The following HMGCLL1 variants were observed in gnomAD, a reference collection of about 807,000 sequenced individuals.
The protein encoded by HMGCLL1 is 3-hydroxymethyl-3-methylglutaryl-CoA lyase, cytoplasmic.
Under a neutral mutation model 39.1 loss-of-function variants are expected in HMGCLL1, and 36 were observed. The observed-to-expected ratio is 0.92, with a 90% CI of 0.71 to 1.22. The LOEUF (loss-of-function observed/expected upper bound fraction) is 1.22. Among genes scored for constraint, HMGCLL1 ranks in the 50% most tolerant of loss-of-function variants. HMGCLL1 has a pLI of 0.00. For synonymous variants in HMGCLL1, 149 were observed against 144.0 expected (o/e 1.03, Z -0.25); for missense variants, 451 against 416.5 (o/e 1.08, Z -0.72).
At chr6:55,572,033 G>T (rs1215236722) in intron 1 of HMGCLL1, among the ~76,000 whole-genome samples, 1 of 151,956 alleles carries the variant, frequency 6.6e-6, no homozygotes, top group Non-Finnish European at 1.5e-5. Flanking sequence ...AAAAAGTAGA[G>T]AAGAATTTTT....
chr6:55,439,466 T>G lies in HMGCLL1; in HGVS notation c.889A>C (p.Ile297Leu). ...AGCCCCAGGCCATTAAGCATATATA[T>G]CAAATCCTCAGTGGCTACATTCCCA... ...ASGNVATEDL[I>L]YMLNGLGLNT... Residue 297 changes from isoleucine (I) to leucine (L), a missense_variant, in exon 8 of 9, where the codon ATA becomes CTA. Coordinates refer to ENST00000274901, the MANE Select transcript of HMGCLL1 (RefSeq NM_001042406.2). 6.2e-7 allele frequency: 1 copy of G among 1,612,764 alleles called. No individual in the cohort carries two copies. The highest frequency in any genetic ancestry group is 8.5e-7 in the Non-Finnish European group (1 of 1,179,122).
intron 1 of HMGCLL1, among the ~76,000 whole-genome samples, chr6:55,578,727 T>C (rs758757273): frequency 3.9e-5 from 6 of 152,206 alleles, no homozygotes; most frequent in Non-Finnish European, 5.9e-5. Context: ...GGCAGGGATT[T>C]TGCAGGGTCT....
chr6:55,595,478 A>G, the HMGCLL1 span, among the ~76,000 whole-genome samples: 1 of 152,222 alleles, frequency 6.6e-6, no homozygotes, highest in Non-Finnish European at 1.5e-5. Flanking sequence ...TAATGACAAT[A>G]AAGTCTTAAC....
chr6:55,564,600 C>G (rs978019542), intron 1 of HMGCLL1, among the ~76,000 whole-genome samples: 2 of 151,940 alleles, frequency 1.3e-5, no homozygotes, highest in Non-Finnish European at 2.9e-5. Flanking sequence ...AGAAGTTATC[C>G]AAGAATTTTC....
intron 4 of HMGCLL1, among the ~76,000 whole-genome samples, chr6:55,514,967 G>C (rs188763912): frequency 7.8e-4 from 119 of 152,092 alleles, no homozygotes; most frequent in African/African-American, 2.3e-3. Context: ...TAACACATGG[G>C]GGGGAGGTCA....
chr6:55,476,137 T>A (rs1177042599), intron 7 of HMGCLL1, among the ~76,000 whole-genome samples: 1 of 151,674 alleles, frequency 6.6e-6, no homozygotes, highest in Admixed American at 6.6e-5. Flanking sequence ...CTGCTGAGCT[T>A]GCATTGAATC....
intron 5 of HMGCLL1, among the ~76,000 whole-genome samples, chr6:55,507,554 G>C (rs1296977423): frequency 6.6e-6 from 1 of 151,742 alleles, no homozygotes; most frequent in African/African-American, 2.4e-5. Flanking sequence ...AAAATAGTCT[G>C]TCTTTTTAAA....
upstream of HMGCLL1, among the ~76,000 whole-genome samples, chr6:55,581,267 C>T (rs1405060363): frequency 1.3e-5 from 2 of 151,916 alleles, no homozygotes; most frequent in Non-Finnish European, 2.9e-5. Context: ...AATTAGTTGA[C>T]CATAGTGATA....
the HMGCLL1 span, among the ~76,000 whole-genome samples, chr6:55,587,029 C>T: frequency 6.6e-6 from 1 of 152,188 alleles, no homozygotes; most frequent in Non-Finnish European, 1.5e-5. Context: ...AAAAGTGTTC[C>T]TATTTCTCCA....
chr6:55,579,903 C>T (rs1405558254), upstream of HMGCLL1, among the ~76,000 whole-genome samples: 9 of 152,164 alleles, frequency 5.9e-5, no homozygotes, highest in African/African-American at 2.2e-4. Context: ...AGCAGACCAC[C>T]GGCCTACCTT....
chr6:55,559,377 A>T (rs1397013547), intron 1 of HMGCLL1, among the ~76,000 whole-genome samples: 1 of 152,206 alleles, frequency 6.6e-6, no homozygotes, highest in Non-Finnish European at 1.5e-5. Context: ...GGCAGAGACT[A>T]CTATGAACAT....
the HMGCLL1 span, among the ~76,000 whole-genome samples, chr6:55,601,805 A>G: frequency 5.9e-5 from 9 of 152,168 alleles, no homozygotes; most frequent in Non-Finnish European, 1.2e-4. Flanking sequence ...ATATTTTATA[A>G]TGTTAATTTC....
chr6:55,512,608 T>C (rs959157007), intron 5 of HMGCLL1: 3 of 152,122 alleles, frequency 2.0e-5, no homozygotes, highest in African/African-American at 7.2e-5. Flanking sequence ...AAAATATAAA[T>C]AGAAAACAAA....
chr6:55,516,463 C>T (rs778642232), intron 4 of HMGCLL1, 45 bp downstream of exon 4: 18 of 1,225,988 alleles, frequency 1.5e-5, no homozygotes, highest in East Asian at 4.7e-5. Context: ...ATCTTTAAAA[C>T]GATAAGAGGC....
chr6:55,488,923 T>C (rs1313811186), intron 7 of HMGCLL1, among the ~76,000 whole-genome samples: 3 of 152,016 alleles, frequency 2.0e-5, no homozygotes, highest in Non-Finnish European at 4.4e-5. Flanking sequence ...ATTTGGGCTA[T>C]TGGAGTTATC....
At chr6:55,667,834 A>C in the HMGCLL1 span, among the ~76,000 whole-genome samples, 1 of 151,888 alleles carries the variant, frequency 6.6e-6, no homozygotes, top group Non-Finnish European at 1.5e-5. Flanking sequence ...ATAATAGATC[A>C]CATATTGTTA....
At chr6:55,463,156 G>A (rs1213793967) in intron 7 of HMGCLL1, among the ~76,000 whole-genome samples, 1 of 150,768 alleles carries the variant, frequency 6.6e-6, no homozygotes, top group Admixed American at 6.6e-5. Flanking sequence ...TCAACCTCCC[G>A]AGTAGCTGGA....
intron 7 of HMGCLL1, among the ~76,000 whole-genome samples, chr6:55,470,273 C>T (rs966217572): frequency 4.0e-5 from 6 of 151,764 alleles, no homozygotes; most frequent in South Asian, 4.1e-4. Context: ...TGTACGTTTC[C>T]GGTCTCTGGT....
chr6:55,566,473 A>G (rs751291006), intron 1 of HMGCLL1: 2 of 278,132 alleles, frequency 7.2e-6, no homozygotes, highest in Non-Finnish European at 1.5e-5. Context: ...TTGGAAAGTT[A>G]TAAGTGTAAG....
Sources: allele counts gnomAD v4.1 joint callset (sites outside exome capture counted in the v4.1 genomes callset), GRCh38; gene constraint gnomAD v4.1.1; transcripts MANE v1.5; gene names NCBI Gene and HGNC (gene_info 2026-07-23, HGNC 2026-07-21).